GIPC2: variants seen among roughly 807,000 people sequenced by gnomAD.
The protein encoded by GIPC2 is PDZ domain-containing protein GIPC2.
A neutral mutation model predicts 30.6 loss-of-function variants in GIPC2; 30 were observed. The ratio of observed to expected loss-of-function variants is 0.98; its 90% CI spans 0.73 to 1.33. GIPC2 has a LOEUF of 1.33. GIPC2 is among the 40% of genes most tolerant of loss of function. The probability of loss-of-function intolerance (pLI) is 0.00; values close to 1 mark genes in which losing one functional copy is unlikely to be tolerated. For synonymous variants in GIPC2, 167 were observed against 150.0 expected (o/e 1.11, Z -0.83); for missense variants, 414 against 390.3 (o/e 1.06, Z -0.51).
At chr1:78,079,158 G>A (rs1201004300) in intron 1 of GIPC2, among the ~76,000 whole-genome samples, 1 of 152,188 alleles carries the variant, frequency 6.6e-6, no homozygotes, top group African/African-American at 2.4e-5. Context: ...AACATAAAGG[G>A]TTAAATTGAA....
At chr1:78,093,863 C>T (rs1037378997) in intron 2 of GIPC2, among the ~76,000 whole-genome samples, 11 of 152,114 alleles carry the variant, frequency 7.2e-5, no homozygotes, top group African/African-American at 2.7e-4. Flanking sequence ...ACATCCTCTG[C>T]AGGGCTGTTT....
At chr1:78,047,384 C>T (rs553241442) in intron 1 of GIPC2, among the ~76,000 whole-genome samples, 27 of 152,260 alleles carry the variant, frequency 1.8e-4, no homozygotes, top group Admixed American at 1.6e-3. Context: ...GGCAAAATTC[C>T]AAGAGGAGAC....
rs778587414 is a variant in GIPC2, at chr1:78,135,760, C to A, written c.*17C>A. On this transcript the variant is annotated 3_prime_UTR_variant, in exon 6 of 6. Transcript: ENST00000370759. ...GGATTATGATGTGTACACTCCATCTCTGAAGAAACAACCCATCGTTCTTTT... is the reference window on the plus strand; with the variant it reads ...GGATTATGATGTGTACACTCCATCTATGAAGAAACAACCCATCGTTCTTTT... The A allele has an allele frequency of 1.3e-6, 2 of 1,589,698 alleles. No individual in the cohort carries two copies. Among genetic ancestry groups the A allele is most frequent in the South Asian group, 1.2e-5 (1 of 84,990 alleles).
At position 78,134,150 on chromosome 1, in the gene GIPC2, A is replaced by G. The variant is rs367554451; in HGVS notation, c.797-1442A>G. 1.2e-4 allele frequency among the ~76,000 whole-genome samples: 19 copies of G among 152,288 alleles called. No homozygotes were observed. The East Asian group carries it at 3.5e-3, about 28-fold the overall frequency. Reference sequence around the variant, plus strand: ...CCAGGACTGAGGAATGTGTATACACATGCATGTATGCATTTATGTCTGTAT... The same window carrying G: ...CCAGGACTGAGGAATGTGTATACACGTGCATGTATGCATTTATGTCTGTAT... On this transcript the variant is annotated intron_variant, in intron 5 of 5. Transcript: ENST00000370759.
intron 1 of GIPC2, among the ~76,000 whole-genome samples, chr1:78,056,078 A>G (rs1661289825): frequency 6.6e-6 from 1 of 152,166 alleles, no homozygotes; most frequent in South Asian, 2.1e-4. Context: ...CCTATCCTCT[A>G]AACTTCCATA....
chr1:78,100,138 A>G (rs886737380), intron 3 of GIPC2, among the ~76,000 whole-genome samples: 23 of 152,216 alleles, frequency 1.5e-4, no homozygotes, highest in African/African-American at 4.1e-4. Context: ...TAATAGCTAT[A>G]ATTTGTTCAG....
chr1:78,072,952 C>A (rs563096627), intron 1 of GIPC2, among the ~76,000 whole-genome samples: 113 of 140,650 alleles, frequency 8.0e-4, no homozygotes, highest in African/African-American at 2.8e-3. Context: ...CTACAGGCGC[C>A]CACCACCACG....
intron 1 of GIPC2, among the ~76,000 whole-genome samples, chr1:78,071,681 C>T (rs1661622528): frequency 6.6e-6 from 1 of 151,992 alleles, no homozygotes; most frequent in African/African-American, 2.4e-5. Flanking sequence ...AAGTGATCCT[C>T]CTACCTTGGC....
intron 2 of GIPC2, among the ~76,000 whole-genome samples, chr1:78,093,525 A>G (rs759182090): frequency 2.7e-4 from 41 of 152,216 alleles, no homozygotes; most frequent in Non-Finnish European, 5.7e-4. Context: ...AGAGAAATCT[A>G]TTTTGAGTTT....
chr1:78,134,242 GGTTCA>G (rs1662959362), intron 5 of GIPC2, among the ~76,000 whole-genome samples: 1 of 151,698 alleles, frequency 6.6e-6, no homozygotes, highest in Admixed American at 6.6e-5. Flanking sequence ...AATTCCATAG[GGTTCA>G]TTCTTATTTT....
chr1:78,124,128 A>G (rs1403164046), intron 4 of GIPC2, among the ~76,000 whole-genome samples: 1 of 152,234 alleles, frequency 6.6e-6, no homozygotes, highest in East Asian at 1.9e-4. Context: ...AGTAGTTAAC[A>G]TCTTTGGGCA....
At chr1:78,116,908 C>T (rs1301052753) in intron 3 of GIPC2, among the ~76,000 whole-genome samples, 1 of 147,824 alleles carries the variant, frequency 6.8e-6, no homozygotes, top group Non-Finnish European at 1.5e-5. Context: ...ATTTCTAGTT[C>T]TAGATCCTTG....
chr1:78,101,513 G>A (rs1037365692), intron 3 of GIPC2, among the ~76,000 whole-genome samples: 3 of 152,098 alleles, frequency 2.0e-5, no homozygotes, highest in African/African-American at 7.2e-5. Context: ...ATATTTATGG[G>A]TCATGATATA....
At chr1:78,120,044 T>A (rs977880278) in intron 4 of GIPC2, among the ~76,000 whole-genome samples, 1 of 152,234 alleles carries the variant, frequency 6.6e-6, no homozygotes, top group Non-Finnish European at 1.5e-5. Flanking sequence ...TTCTGTTTAG[T>A]CCACCTGTGT....
At chr1:78,048,545 C>A (rs1377772122) in intron 1 of GIPC2, among the ~76,000 whole-genome samples, 1 of 151,772 alleles carries the variant, frequency 6.6e-6, no homozygotes, top group Non-Finnish European at 1.5e-5. Flanking sequence ...TCCTGCTTCA[C>A]CCTCCCAAGT....
intron 5 of GIPC2, among the ~76,000 whole-genome samples, chr1:78,127,932 C>A (rs1662811732): frequency 6.6e-6 from 1 of 151,886 alleles, no homozygotes; most frequent in South Asian, 2.1e-4. Context: ...CAAGTGATCC[C>A]CCTGTCTCGT....
chr1:78,093,964 T>C (rs1662090694), intron 2 of GIPC2, among the ~76,000 whole-genome samples: 1 of 152,152 alleles, frequency 6.6e-6, no homozygotes, highest in East Asian at 1.9e-4. Context: ...AGATACCATT[T>C]TGATACTTTA....
At chr1:78,094,319 G>A (rs1662097643) in intron 2 of GIPC2, among the ~76,000 whole-genome samples, 1 of 152,226 alleles carries the variant, frequency 6.6e-6, no homozygotes, top group Non-Finnish European at 1.5e-5. Context: ...ACATGCAGTA[G>A]TGAATAAGAC....
intron 4 of GIPC2, among the ~76,000 whole-genome samples, chr1:78,120,710 A>G (rs1662665158): frequency 6.6e-6 from 1 of 152,190 alleles, no homozygotes; most frequent in Admixed American, 6.5e-5. Context: ...GTACAGGGGA[A>G]CTGCTCTTTA....
Sources: gnomAD v4.1 joint callset for allele counts (sites outside exome capture counted in the v4.1 genomes callset) on GRCh38, gnomAD v4.1.1 for gene constraint, MANE v1.5 for transcripts, NCBI Gene and HGNC (gene_info 2026-07-23, HGNC 2026-07-21) for gene names.